The following CPLANE1 variants were observed in gnomAD, a reference collection of about 807,000 sequenced individuals.
CPLANE1 encodes the protein ciliogenesis and planar polarity effector complex subunit 1.
Under a neutral mutation model 362.5 loss-of-function variants are expected in CPLANE1, and 263 were observed. The ratio of observed to expected loss-of-function variants is 0.73; its 90% confidence interval spans 0.66 to 0.80. CPLANE1 has a LOEUF of 0.80. Among genes scored for constraint, CPLANE1 ranks in the 30% least tolerant of loss-of-function variants. The pLI, the probability that CPLANE1 is intolerant of heterozygous loss-of-function variation, is 0.00. For missense variants in CPLANE1, 3,461 were observed against 3,793.4 expected (o/e 0.91, Z 2.30); for synonymous variants, 1,212 against 1,302.6 (o/e 0.93, Z 1.50).
Position 37,238,945 on chromosome 5 carries a change from A to G in CPLANE1, c.850T>C (p.Phe284Leu). ...QKDPKATQVLFINTLNFVTLC... is the reference protein window; with the variant it reads ...QKDPKATQVLLINTLNFVTLC... ...GTAACAAAATTCAGTGTGTTTATAAATAATACCTGAGTTGCCTAGAAAGGA... is the reference window on the plus strand; with the variant it reads ...GTAACAAAATTCAGTGTGTTTATAAGTAATACCTGAGTTGCCTAGAAAGGA... Residue 284 changes from phenylalanine to leucine, a missense_variant, in exon 8 of 53, where the codon TTT (phenylalanine) becomes CTT (leucine). Transcript: ENST00000651892. The G allele has an allele frequency of 2.0e-6, 3 of 1,507,396 alleles. No homozygotes were observed. Among genetic ancestry groups the G allele is most frequent in the Non-Finnish European group, 2.7e-6 (3 of 1,127,552 alleles). The allele number at this position is 1,507,396 out of a possible 1,614,324, so 93.4% of individuals were successfully genotyped here.
intron 5 of CPLANE1, among the ~76,000 whole-genome samples, chr5:37,243,795 CCATATAATATATAATATAT>C (rs1738525495): frequency 1.4e-5 from 2 of 145,270 alleles, no homozygotes; most frequent in African/African-American, 5.0e-5. Context: ...ATATAATATA[CCATATAATATATAATATAT>C]ACGATATATA....
the CPLANE1 span, among the ~76,000 whole-genome samples, chr5:37,096,520 T>C: frequency 2.6e-5 from 4 of 152,212 alleles, no homozygotes; most frequent in Admixed American, 6.6e-5. Context: ...ACCAAGAACC[T>C]AAAAGCAAAT....
At chr5:37,237,965 G>T (rs1248760323) in intron 8 of CPLANE1, among the ~76,000 whole-genome samples, 3 of 152,216 alleles carry the variant, frequency 2.0e-5, no homozygotes, top group Non-Finnish European at 2.9e-5. Flanking sequence ...GATCACTTAA[G>T]GCCAGAAGTT....
intron 34 of CPLANE1, among the ~76,000 whole-genome samples, 160 bp from the exon 35 acceptor site, chr5:37,167,373 T>C (rs1209572934): frequency 6.6e-6 from 1 of 152,228 alleles, no homozygotes; most frequent in African/African-American, 2.4e-5. Context: ...AATATGAGTA[T>C]ACATATCTTA....
At position 37,107,785 on chromosome 5, in the gene CPLANE1, A is replaced by G; in HGVS notation, c.9580-7T>C. The G allele has an allele frequency of 6.3e-7, 1 of 1,591,226 alleles. No homozygotes were observed. The highest frequency in any genetic ancestry group is 8.6e-7 in the Non-Finnish European group (1 of 1,167,008). ...CTTCAGTTGGAGACAAGTCCTATTAAATTGAAAAGACAATTGTGGTCCTAG... is the reference window on the plus strand; with the variant it reads ...CTTCAGTTGGAGACAAGTCCTATTAGATTGAAAAGACAATTGTGGTCCTAG... On this transcript the variant is annotated splice_polypyrimidine_tract_variant and splice_region_variant and intron_variant, in intron 52 of 52. Transcript: ENST00000651892.
At chr5:37,101,166 G>A in the CPLANE1 span, among the ~76,000 whole-genome samples, 1 of 152,136 alleles carries the variant, frequency 6.6e-6, no homozygotes, top group Non-Finnish European at 1.5e-5. Flanking sequence ...GCGGTGAGAA[G>A]GCATCCTTGT....
intron 46 of CPLANE1, among the ~76,000 whole-genome samples, chr5:37,126,917 G>A (rs1364181966): frequency 1.3e-5 from 2 of 152,124 alleles, no homozygotes; most frequent in Admixed American, 1.3e-4. Flanking sequence ...CTAAACAGAA[G>A]GCCAGTCACA....
chr5:37,236,055 A>C lies in CPLANE1; in HGVS notation c.938+2802T>G, dbSNP rs74823070. 4.2e-3 allele frequency among the ~76,000 whole-genome samples: 640 copies of C among 151,834 alleles called. 37 individuals are homozygous for C. In the East Asian group the frequency reaches 0.11, roughly 25 times the overall value. ...TGGCTAATTTTACAAAATCCAATTT[A>C]GTAGAGACAGGGTTTCTCCATGTTG... On this transcript the variant is annotated intron_variant, in intron 8 of 52. Transcript: ENST00000651892.
chr5:37,121,832 C>A, intron 48 of CPLANE1, 48 bp from the exon 49 acceptor site: 6 of 1,446,482 alleles, frequency 4.1e-6, no homozygotes, highest in South Asian at 1.2e-5. Context: ...ACTTTCAGTT[C>A]ATCTATCCAG....
At chr5:37,129,195 A>C (rs1280644293) in intron 46 of CPLANE1, among the ~76,000 whole-genome samples, 1 of 152,190 alleles carries the variant, frequency 6.6e-6, no homozygotes, top group Non-Finnish European at 1.5e-5. Flanking sequence ...GATAATTGGC[A>C]AGCCACATGT....
At position 37,106,845 on chromosome 5, in the gene CPLANE1, C is replaced by G; in HGVS notation, c.*757G>C. On this transcript the variant is annotated 3_prime_UTR_variant, in exon 53 of 53. Transcript: ENST00000651892. ...TAGTTGAAGGATACTGGTTCTTAGTCAATTCTCATAAAAATTATCTCTTAA... is the reference window on the plus strand; with the variant it reads ...TAGTTGAAGGATACTGGTTCTTAGTGAATTCTCATAAAAATTATCTCTTAA... 2 of 983,738 alleles carry G rather than the reference C, an allele frequency of 2.0e-6. No homozygotes were observed. The highest frequency in any genetic ancestry group is 2.4e-6 in the Non-Finnish European group (2 of 828,402). The allele number at this position is 983,738 out of a possible 1,614,324, so 60.9% of individuals were successfully genotyped here.
intron 18 of CPLANE1, 93 bp downstream of exon 18, chr5:37,205,222 T>C: frequency 1.4e-6 from 1 of 733,238 alleles, no homozygotes; most frequent in Non-Finnish European, 2.0e-6. Context: ...TATTTCAAAG[T>C]GTTAATACAT....
intron 14 of CPLANE1, among the ~76,000 whole-genome samples, chr5:37,223,539 A>G (rs1795794829): frequency 6.6e-6 from 1 of 152,192 alleles, no homozygotes. Flanking sequence ...GTAATAATAG[A>G]CCAAATCTGA....
chr5:37,221,273 G>A, intron 15 of CPLANE1, 51 bp downstream of exon 15: 4 of 1,294,262 alleles, frequency 3.1e-6, no homozygotes, highest in Non-Finnish European at 4.1e-6. Context: ...GGCAACATAG[G>A]GAGACCCTGT....
At chr5:37,205,101 G>A in intron 18 of CPLANE1, 1 of 277,364 alleles carries the variant, frequency 3.6e-6, no homozygotes, top group Non-Finnish European at 6.5e-6. Context: ...AGTTTGCAGT[G>A]AGCTAAGATC....
chr5:37,186,371 T>C lies in CPLANE1; in HGVS notation c.4104A>G (p.Ala1368=), dbSNP rs1783992184. 1 of 1,596,132 alleles carries C rather than the reference T, an allele frequency of 6.3e-7. No individual in the cohort carries two copies. Among genetic ancestry groups the C allele is most frequent in the Non-Finnish European group, 8.6e-7 (1 of 1,165,766 alleles). Reference sequence around the variant, plus strand: ...CCCTCACGTCCTCAGGATAGGGAAATGCTTTCACGAAAATTTCTGCTACCT... The same window carrying C: ...CCCTCACGTCCTCAGGATAGGGAAACGCTTTCACGAAAATTTCTGCTACCT... The part of the protein sequence containing the change: ...IRKVAEIFVK[A]FPYPEDVRVP... Residue 1368 remains alanine, a synonymous_variant, in exon 24 of 53, where the codon GCA becomes GCG. Coordinates refer to ENST00000651892, the MANE Select transcript of CPLANE1 (RefSeq NM_001384732.1).
At chr5:37,115,893 G>T (rs941929691) in intron 50 of CPLANE1, among the ~76,000 whole-genome samples, 1 of 151,532 alleles carries the variant, frequency 6.6e-6, no homozygotes, top group South Asian at 2.1e-4. Context: ...ATGCCCGGCC[G>T]ACTTTTACTT....
At chr5:37,084,770 T>C in the CPLANE1 span, among the ~76,000 whole-genome samples, 1 of 151,122 alleles carries the variant, frequency 6.6e-6, no homozygotes, top group Non-Finnish European at 1.5e-5. Context: ...GACTCTGTCT[T>C]TAAAAAAAGA....
the CPLANE1 span, among the ~76,000 whole-genome samples, chr5:37,080,249 A>C: frequency 6.6e-6 from 1 of 152,250 alleles, no homozygotes; most frequent in Admixed American, 6.5e-5. Flanking sequence ...TCCTGATGTA[A>C]GTCACATGAA....
Sources: allele counts gnomAD v4.1 joint callset (sites outside exome capture counted in the v4.1 genomes callset), GRCh38; gene constraint gnomAD v4.1.1; transcripts MANE v1.5; gene names NCBI Gene and HGNC (gene_info 2026-07-23, HGNC 2026-07-21).